RIN2: variants seen among roughly 807,000 people sequenced by gnomAD.
The protein encoded by RIN2 is Ras and Rab interactor 2.
RIN2 carries 36 observed loss-of-function variants against 78.0 expected under a neutral mutation model. The observed-to-expected ratio is 0.46, with a 90% CI of 0.35 to 0.61. RIN2 has a LOEUF of 0.61. RIN2 is among the 20% of genes least tolerant of loss of function. RIN2 has a pLI of 0.00. For missense variants in RIN2, 1,087 were observed against 1,159.7 expected, an observed-to-expected ratio of 0.94 and a Z score of 0.91; for synonymous variants, 466 against 466.8, an observed-to-expected ratio of 1.00 and a Z score of 0.02.
chr20:19,999,046 G>A (rs527875533), intron 12 of RIN2, among the ~76,000 whole-genome samples: 1 of 152,054 alleles, frequency 6.6e-6, no homozygotes, highest in Non-Finnish European at 1.5e-5. Flanking sequence ...TTCAGCACTC[G>A]GCTCAGGGGT....
chr20:19,989,878 T>A, intron 9 of RIN2, 128 bp from the exon 10 acceptor site: 1 of 882,668 alleles, frequency 1.1e-6, no homozygotes, highest in Non-Finnish European at 1.7e-6. Flanking sequence ...GTTGGTTGGA[T>A]GTTAAGGTGT....
At chr20:19,828,057 T>C (rs552115977) in intron 2 of RIN2, among the ~76,000 whole-genome samples, 67 of 152,228 alleles carry the variant, frequency 4.4e-4, no homozygotes, top group South Asian at 3.3e-3. Flanking sequence ...CTCACCTGCT[T>C]GTGATACCTC....
chr20:19,798,663 C>T (rs576814056), intron 1 of RIN2, among the ~76,000 whole-genome samples: 1 of 151,680 alleles, frequency 6.6e-6, no homozygotes, highest in Non-Finnish European at 1.5e-5. Context: ...TGTGTGTGTG[C>T]GTGTAATAGG....
Position 19,977,476 on chromosome 20 carries a change from C to T in RIN2, c.1762+1689C>T, listed in dbSNP as rs62200445. ...CTTTAATTTAAAATGATTTATGGAG[C>T]TTCGAGTATAAGCCCGGCAGCCTGT... is the stretch of plus-strand genomic sequence containing the variant. On this transcript the variant is annotated intron_variant, in intron 9 of 12. Transcript: ENST00000255006. Among the ~76,000 whole-genome samples, 989 of 152,318 alleles carry T rather than the reference C, an allele frequency of 6.5e-3. 6 individuals carry two copies. Among genetic ancestry groups the T allele is most frequent in the Middle Eastern group, 0.024 (7 of 294 alleles).
At chr20:19,936,603 T>C (rs1033853295) in intron 4 of RIN2, among the ~76,000 whole-genome samples, 6 of 152,128 alleles carry the variant, frequency 3.9e-5, no homozygotes, top group African/African-American at 1.4e-4. Context: ...CCCCTGCATA[T>C]AAGCACAGGG....
At chr20:19,792,772 C>T (rs1210057180) in intron 1 of RIN2, among the ~76,000 whole-genome samples, 2 of 152,084 alleles carry the variant, frequency 1.3e-5, no homozygotes, top group Non-Finnish European at 2.9e-5. Context: ...CATTGGCTGT[C>T]GGGGTGATTT....
chr20:19,824,208 G>A (rs537329537), intron 2 of RIN2, among the ~76,000 whole-genome samples: 14 of 152,344 alleles, frequency 9.2e-5, no homozygotes, highest in African/African-American at 3.4e-4. Context: ...CTACGGCAGA[G>A]AAGGAAGCTT....
At chr20:19,907,050 T>A (rs568520638) in intron 3 of RIN2, among the ~76,000 whole-genome samples, 57 of 152,304 alleles carry the variant, frequency 3.7e-4, no homozygotes, top group Admixed American at 9.2e-4. Flanking sequence ...GGGGCCTTCT[T>A]GCTGCGTCAT....
chr20:19,952,455 T>C (rs918695361), intron 4 of RIN2, among the ~76,000 whole-genome samples: 1 of 152,230 alleles, frequency 6.6e-6, no homozygotes, highest in Admixed American at 6.5e-5. Flanking sequence ...TGTAATAATA[T>C]GCTATAAACC....
In RIN2 at chr20:19,956,712, A is replaced by G; in HGVS notation, c.256A>G (p.Ile86Val). The G allele has an allele frequency of 6.2e-7, 1 of 1,611,844 alleles. No homozygotes were observed. Among genetic ancestry groups the G allele is most frequent in the Non-Finnish European group, 8.5e-7 (1 of 1,179,100 alleles). ...GYDSLSNRLS[I>V]LDRLLHTHPI... ...TGACAGCCTCTCCAACAGGCTCAGC[A>G]TCTTGGACCGGCTCCTCCACACCCA... Residue 86 changes from isoleucine to valine, a missense_variant, in exon 5 of 13, where the codon ATC (isoleucine) becomes GTC (valine). By Grantham distance (29) the Ile-to-Val change is conservative. This residue lies in a region of RIN2 where 706 missense variants were observed against 667.5 expected (regional missense o/e 1.06). Coordinates refer to ENST00000255006, the MANE Select transcript of RIN2 (RefSeq NM_018993.4).
At chr20:19,818,870 T>A (rs2035849419) in intron 2 of RIN2, among the ~76,000 whole-genome samples, 1 of 152,098 alleles carries the variant, frequency 6.6e-6, no homozygotes, top group South Asian at 2.1e-4. Flanking sequence ...CATTCATCAG[T>A]TGGTTAAATG....
rs769359621 is a variant in RIN2 at position 19,956,705 on chromosome 20, G to C, written c.249G>C (p.Arg83Ser). The C allele has an allele frequency of 1.2e-6, 2 of 1,612,406 alleles. No individual in the cohort carries two copies. The highest frequency in any genetic ancestry group is 1.1e-5 in the South Asian group (1 of 90,604). ...CAGGCTATGACAGCCTCTCCAACAGGCTCAGCATCTTGGACCGGCTCCTCC... is the reference window on the plus strand; with the variant it reads ...CAGGCTATGACAGCCTCTCCAACAGCCTCAGCATCTTGGACCGGCTCCTCC... ...RDSGYDSLSN[R>S]LSILDRLLHT... is the part of the protein sequence containing the mutation. The change falls in exon 5 of 13, where the codon AGG becomes AGC. Residue 83 changes from arginine (R) to serine (S), a missense_variant. By Grantham distance (110) the Arg-to-Ser change is moderately radical (BLOSUM62 -1). Transcript: ENST00000255006.
chr20:19,955,053 G>C (rs997660001), intron 4 of RIN2, among the ~76,000 whole-genome samples: 1 of 152,118 alleles, frequency 6.6e-6, no homozygotes, highest in Non-Finnish European at 1.5e-5. Flanking sequence ...TCTAATACCA[G>C]AACATTTCCA....
intron 2 of RIN2, among the ~76,000 whole-genome samples, chr20:19,886,281 CG>C (rs1288297348): frequency 6.6e-6 from 1 of 152,234 alleles, no homozygotes; most frequent in Non-Finnish European, 1.5e-5. Context: ...CAGCCTCCAG[CG>C]GTCTCACATA....
intron 4 of RIN2, among the ~76,000 whole-genome samples, chr20:19,936,956 T>G (rs1214821921): frequency 2.0e-5 from 3 of 152,204 alleles, no homozygotes; most frequent in Admixed American, 1.3e-4. Context: ...GGCAACACTG[T>G]TCATATTAAA....
chr20:19,917,391 C>A (rs1191297338), intron 3 of RIN2, among the ~76,000 whole-genome samples: 4 of 152,200 alleles, frequency 2.6e-5, no homozygotes, highest in African/African-American at 7.2e-5. Flanking sequence ...CTGCCAATTC[C>A]AGGCTCTCTG....
At chr20:19,860,364 C>T (rs1191893929) in intron 2 of RIN2, among the ~76,000 whole-genome samples, 1 of 151,910 alleles carries the variant, frequency 6.6e-6, no homozygotes. Context: ...CTCTGTTGCT[C>T]AGGCTGGAGT....
chr20:19,975,084 A>G lies in RIN2; in HGVS notation c.1059A>G (p.Pro353=). 6.2e-7 allele frequency: 1 copy of G among 1,613,500 alleles called. No homozygotes were observed. The highest frequency in any genetic ancestry group is 8.5e-7 in the Non-Finnish European group (1 of 1,179,886). ...ACGTAGCTCTGCCTGGAACGAAACC[A>G]ACTCCCATCCCTCCACCCCGGCTGA... is the stretch of plus-strand genomic sequence containing the variant. The part of the protein sequence containing the change: ...HGNVALPGTK[P]TPIPPPRLKK... Residue 353 remains proline, a synonymous_variant, in exon 9 of 13, where the codon CCA becomes CCG. Transcript: ENST00000255006. The surrounding 1 kb of genome is among the most constrained non-coding windows in gnomAD (Gnocchi z 4.9).
At chr20:19,866,429 A>G (rs1163028765) in intron 2 of RIN2, among the ~76,000 whole-genome samples, 3 of 152,178 alleles carry the variant, frequency 2.0e-5, no homozygotes, top group Admixed American at 1.3e-4. Flanking sequence ...AAGAAAAAGG[A>G]TATATGATAG....
Sources: gnomAD v4.1 joint callset for allele counts (sites outside exome capture counted in the v4.1 genomes callset) on GRCh38, gnomAD v4.1.1 for gene constraint, gnomAD v4.1.1 regional missense constraint, Gnocchi (gnomAD v3.1) non-coding constraint, MANE v1.5 for transcripts, NCBI Gene and HGNC (gene_info 2026-07-23, HGNC 2026-07-21) for gene names.